Variants in BTBD1 observed in about 807,000 individuals in gnomAD.
BTBD1 encodes the protein BTB domain containing 1.
In BTBD1, 34 loss-of-function variants were observed where a neutral mutation model predicts 48.0. That is an observed-to-expected ratio of 0.71 (90% CI 0.54 to 0.94). The LOEUF is 0.94. Among genes scored for constraint, BTBD1 ranks in the 40% least tolerant of loss-of-function variants. The probability of loss-of-function intolerance (pLI) is 0.00; values close to 1 mark genes in which losing one functional copy is unlikely to be tolerated. For synonymous variants in BTBD1, 261 were observed against 242.1 expected (o/e 1.08, Z -0.72); for missense variants, 543 against 625.6 (o/e 0.87, Z 1.41).
chr15:83,044,591 C>G, intron 3 of BTBD1: 1 of 1,595,352 alleles, frequency 6.3e-7, no homozygotes, highest in African/African-American at 1.3e-5. Context: ...TTGAAGAAAC[C>G]ACAGCTGATG....
At chr15:83,036,517 G>A (rs769758651) in intron 4 of BTBD1, among the ~76,000 whole-genome samples, 7 of 152,162 alleles carry the variant, frequency 4.6e-5, no homozygotes, top group Non-Finnish European at 8.8e-5. Context: ...TGTTTGGCAG[G>A]ATGGCAGGAT....
At chr15:83,030,445 A>T (rs973657560) in intron 4 of BTBD1, 117 bp from the exon 5 acceptor site, 1 of 764,566 alleles carries the variant, frequency 1.3e-6, no homozygotes, top group Non-Finnish European at 2.1e-6. Context: ...GGGGAAAAAA[A>T]TCTTAGCATA....
Position 83,049,951 on chromosome 15 carries a change from TAGAG to T in BTBD1, c.664+118_664+121del, listed in dbSNP as rs1327190493. ...CCAAAACAAAAAAAAGCAAAACTCT[TAGAG>T]AGACTTCAATCATTTGGGAAAGCCA... On this transcript the variant is annotated intron_variant, in intron 3 of 7. Transcript: ENST00000261721. The T allele has an allele frequency of 2.8e-4, 165 of 583,218 alleles. No individual in the cohort carries two copies. The East Asian group carries it at 4.6e-3, about 16-fold the overall frequency. The allele number at this position is 583,218 out of a possible 1,614,324, so 36.1% of individuals were successfully genotyped here. A position where few individuals can be genotyped will look rare whatever the true frequency, so the allele number is the denominator to read the frequency against.
At chr15:83,060,467 A>G (rs1013044085) in intron 1 of BTBD1, among the ~76,000 whole-genome samples, 1 of 151,848 alleles carries the variant, frequency 6.6e-6, no homozygotes, top group African/African-American at 2.4e-5. Context: ...TTTCAAAAAA[A>G]AAAAAAAACA....
intron 4 of BTBD1, among the ~76,000 whole-genome samples, chr15:83,038,094 A>T (rs1240734169): frequency 6.6e-6 from 1 of 152,138 alleles, no homozygotes; most frequent in Non-Finnish European, 1.5e-5. Context: ...TCAAAAAAAT[A>T]AAAAAAGTTC....
intron 5 of BTBD1, among the ~76,000 whole-genome samples, chr15:83,022,897 T>C (rs918400587): frequency 4.0e-5 from 6 of 150,736 alleles, no homozygotes; most frequent in Admixed American, 6.6e-5. Flanking sequence ...GAGGCAGAGA[T>C]TGCAGTGAGC....
intron 4 of BTBD1, among the ~76,000 whole-genome samples, chr15:83,039,679 G>A (rs2151305998): frequency 6.6e-6 from 1 of 151,646 alleles, no homozygotes; most frequent in East Asian, 1.9e-4. Context: ...TCAGGAGGCT[G>A]AGGTGGGAGA....
At chr15:83,040,744 G>C (rs147490227) in intron 4 of BTBD1, among the ~76,000 whole-genome samples, 13 of 146,070 alleles carry the variant, frequency 8.9e-5, no homozygotes, top group African/African-American at 3.3e-4. Context: ...TCTTTCTTTT[G>C]AATCAATCTG....
rs755673294 is a variant in BTBD1, at chr15:83,018,183, C to T, written c.1333G>A (p.Val445Met). The change falls in exon 8 of 8, where the codon GTG becomes ATG. Residue 445 changes from valine to methionine, a missense_variant. Val to Met is a conservative substitution (Grantham distance 21). Transcript: ENST00000261721. Reference protein sequence around the residue: ...HYGTKGLKKVVHETPAASKTV... With the variant: ...HYGTKGLKKVMHETPAASKTV... ...TTGCTTGCAGCAGGTGTCTCATGCA[C>T]TACTTTCTTCAATCCTTTTGTGCCA... 6.2e-7 allele frequency: 1 copy of T among 1,609,380 alleles called. No individual in the cohort carries two copies. Among genetic ancestry groups the T allele is most frequent in the Non-Finnish European group, 8.5e-7 (1 of 1,177,920 alleles).
rs752921890 is a variant in BTBD1 at position 83,067,106 on chromosome 15, C to T, written c.46G>A (p.Ala16Thr). The change falls in exon 1 of 8, where the codon GCT (alanine) becomes ACT (threonine). Residue 16 changes from alanine to threonine, a missense_variant. By Grantham distance (58) the Ala-to-Thr change is moderately conservative. Coordinates refer to ENST00000261721, the MANE Select transcript of BTBD1 (RefSeq NM_025238.4). ...PAAAGEQASGAEAEPGPAGPP... is the reference protein window; with the variant it reads ...PAAAGEQASGTEAEPGPAGPP... ...CCCGCGGGGCCCGGCTCCGCCTCAG[C>T]CCCCGACGCCTGCTCCCCAGCTGCG... 2.7e-6 allele frequency: 4 copies of T among 1,473,636 alleles called. No homozygotes were observed. Among genetic ancestry groups the T allele is most frequent in the South Asian group, 1.4e-5 (1 of 72,316 alleles). The allele number at this position is 1,473,636 out of a possible 1,614,324, so 91.3% of individuals were successfully genotyped here. A position where few individuals can be genotyped will look rare whatever the true frequency, so the allele number is the denominator to read the frequency against.
intron 1 of BTBD1, among the ~76,000 whole-genome samples, chr15:83,060,476 C>A (rs1017267450): frequency 3.3e-4 from 46 of 137,426 alleles, no homozygotes; most frequent in African/African-American, 9.3e-4. Context: ...AAAAAAAAAA[C>A]AACTTAGGTT....
Position 83,041,897 on chromosome 15 carries a change from GTCTC to G in BTBD1, c.689_692del (p.Arg230ThrfsTer29). ...GTCGACTTTCTCGAATACTGAGTGT[GTCTC>G]TCTCTAAAACTGCACAGAGTGTATC... On this transcript the variant is annotated frameshift_variant, in exon 4 of 8. Transcript: ENST00000261721. LOFTEE classifies it high-confidence loss of function. The G allele has an allele frequency of 1.9e-6, 3 of 1,614,094 alleles. No individual in the cohort carries two copies. Among genetic ancestry groups the G allele is most frequent in the Non-Finnish European group, 2.5e-6 (3 of 1,180,016 alleles).
At chr15:83,056,285 TTTAAAA>T in intron 2 of BTBD1, 98 bp downstream of exon 2, 1 of 716,390 alleles carries the variant, frequency 1.4e-6, no homozygotes, top group Non-Finnish European at 2.2e-6. Context: ...TTTTATATAC[TTTAAAA>T]TTATAATCTA....
intron 3 of BTBD1, chr15:83,044,464 G>T: frequency 6.3e-7 from 1 of 1,578,990 alleles, no homozygotes; most frequent in Non-Finnish European, 8.7e-7. Context: ...ACTGCTTTGC[G>T]AAAAATGGAC....
At position 83,052,631 on chromosome 15, in the gene BTBD1, A is replaced by AT. The variant is rs35721041; in HGVS notation, c.559-2454dup. 3.2e-3 allele frequency among the ~76,000 whole-genome samples: 419 copies of AT among 132,694 alleles called. 3 individuals carry two copies. Among genetic ancestry groups the AT allele is most frequent in the East Asian group, 0.011 (54 of 4,696 alleles). The allele number at this position is 132,694 out of a possible 152,430, so 87.1% of individuals were successfully genotyped here. On this transcript the variant is annotated intron_variant, in intron 2 of 7. Transcript: ENST00000261721. ...TAAAGTGAAATTCTAATATCAACAG[A>AT]TTTTTTTTTTTTTTTTTGAGATGGA...
At chr15:83,051,030 C>CAAAA (rs11423630) in intron 2 of BTBD1, among the ~76,000 whole-genome samples, 16 of 124,112 alleles carry the variant, frequency 1.3e-4, no homozygotes, top group Non-Finnish European at 2.3e-4. Flanking sequence ...CCCTCCCCCA[C>CAAAA]AAAAAAAAAA....
intron 3 of BTBD1, among the ~76,000 whole-genome samples, chr15:83,049,396 G>GA (rs1166013575): frequency 6.6e-6 from 1 of 152,170 alleles, no homozygotes; most frequent in Admixed American, 6.5e-5. Context: ...ACATTATAAT[G>GA]AAACGACATT....
intron 5 of BTBD1, among the ~76,000 whole-genome samples, chr15:83,029,036 T>G (rs1471057401): frequency 6.6e-6 from 1 of 152,210 alleles, no homozygotes; most frequent in East Asian, 1.9e-4. Context: ...TTATTTCTAC[T>G]CTATTTACTA....
At chr15:83,053,738 T>C (rs934826875) in intron 2 of BTBD1, among the ~76,000 whole-genome samples, 3 of 152,258 alleles carry the variant, frequency 2.0e-5, no homozygotes, top group African/African-American at 4.8e-5. Context: ...TATATGACTT[T>C]GGTCAAGTTA....
Sources: gnomAD v4.1 joint callset for allele counts (sites outside exome capture counted in the v4.1 genomes callset) on GRCh38, gnomAD v4.1.1 for gene constraint, MANE v1.5 for transcripts, NCBI Gene and HGNC (gene_info 2026-07-23, HGNC 2026-07-21) for gene names.